The following DAB1 variants were observed in gnomAD, a reference collection of about 807,000 sequenced individuals.
DAB1 encodes the protein disabled homolog 1.
DAB1 carries 15 observed loss-of-function variants against 64.6 expected under a neutral mutation model. The observed-to-expected ratio is 0.23, with a 90% CI of 0.16 to 0.36. DAB1 has a LOEUF of 0.36. DAB1 is among the 10% of genes least tolerant of loss of function. The pLI is 1.00. For missense variants in DAB1, 596 were observed against 706.7 expected (o/e 0.84, Z 1.78); for synonymous variants, 235 against 251.9 (o/e 0.93, Z 0.64).
At chr1:58,282,556 T>C (rs1038853493) in intron 4 of DAB1, among the ~76,000 whole-genome samples, 6 of 151,442 alleles carry the variant, frequency 4.0e-5, no homozygotes, top group Non-Finnish European at 5.9e-5. Context: ...TTAATCCAAC[T>C]AGCTAAATCA....
At chr1:58,534,220 A>G (rs1345968575) in intron 1 of DAB1, 1 of 871,972 alleles carries the variant, frequency 1.1e-6, no homozygotes, top group Admixed American at 1.7e-5. Flanking sequence ...TTGATCTGAG[A>G]GATCCCTGGA....
intron 1 of DAB1, among the ~76,000 whole-genome samples, chr1:57,365,193 TATATATAA>T (rs965495639): frequency 0.012 from 1,666 of 141,952 alleles, 24 homozygotes; most frequent in African/African-American, 0.033. Context: ...ATATAAAGAA[TATATATAA>T]ATATATAAAT....
intron 5 of DAB1, among the ~76,000 whole-genome samples, chr1:57,995,558 A>G (rs1469083908): frequency 6.6e-6 from 1 of 152,206 alleles, no homozygotes. Flanking sequence ...TTATTAATAA[A>G]ATATTGCTGT....
chr1:58,283,586 T>G (rs963379962), intron 4 of DAB1, among the ~76,000 whole-genome samples: 1 of 152,224 alleles, frequency 6.6e-6, no homozygotes, highest in Non-Finnish European at 1.5e-5. Flanking sequence ...GACACATAAG[T>G]GACTGTGCAA....
intron 6 of DAB1, among the ~76,000 whole-genome samples, chr1:57,714,146 C>T (rs1188478363): frequency 4.0e-5 from 6 of 148,338 alleles, no homozygotes; most frequent in African/African-American, 1.5e-4. Flanking sequence ...TATGCATTTA[C>T]TACTTGCCAG....
chr1:58,387,311 T>A (rs1230315613), intron 3 of DAB1, among the ~76,000 whole-genome samples: 1 of 152,166 alleles, frequency 6.6e-6, no homozygotes, highest in Non-Finnish European at 1.5e-5. Context: ...ACAAAATGAA[T>A]TTAACATGCA....
intron 1 of DAB1, among the ~76,000 whole-genome samples, chr1:57,407,578 T>G (rs1683744333): frequency 6.6e-6 from 1 of 152,216 alleles, no homozygotes; most frequent in Non-Finnish European, 1.5e-5. Context: ...GTTACTTCTT[T>G]GTGTTTACAA....
intron 1 of DAB1, among the ~76,000 whole-genome samples, chr1:57,356,654 C>T (rs1383595989): frequency 6.6e-6 from 1 of 151,976 alleles, no homozygotes; most frequent in African/African-American, 2.4e-5. Flanking sequence ...TCCATTCAGA[C>T]AGAAAAAAGT....
intron 4 of DAB1, among the ~76,000 whole-genome samples, chr1:58,323,050 T>C (rs1389017742): frequency 9.2e-6 from 1 of 108,982 alleles, no homozygotes; most frequent in Non-Finnish European, 1.8e-5. Context: ...TGAGAACACT[T>C]GGGCACAGGG....
At chr1:57,237,161 T>C (rs1216848608) in intron 2 of DAB1, among the ~76,000 whole-genome samples, 2 of 152,266 alleles carry the variant, frequency 1.3e-5, no homozygotes, top group Admixed American at 6.5e-5. Context: ...AATTCTGACA[T>C]GATTTGAAAT....
At chr1:58,444,875 G>T (rs1408522428) in intron 3 of DAB1, among the ~76,000 whole-genome samples, 1 of 152,096 alleles carries the variant, frequency 6.6e-6, no homozygotes, top group African/African-American at 2.4e-5. Context: ...TTAATAATAT[G>T]ATGTATCTTA....
rs138497386 is a variant in DAB1 at position 57,352,927 on chromosome 1, C to A, written c.-136-61761G>T. ...CAGCCCCAAACAAGAGAGAATCAAACAAGAGAGAACAGTCCAAGAGACCGC... is the reference window on the plus strand; with the variant it reads ...CAGCCCCAAACAAGAGAGAATCAAAAAAGAGAGAACAGTCCAAGAGACCGC... On this transcript the variant is annotated intron_variant, in intron 1 of 14. Coordinates refer to ENST00000371236, the MANE Select transcript of DAB1 (RefSeq NM_001365792.1). Among the ~76,000 whole-genome samples the A allele has an allele frequency of 4.0e-3, 605 of 152,120 alleles. 5 individuals carry two copies. The highest frequency in any genetic ancestry group is 0.014 in the African/African-American group (578 of 41,518).
intron 4 of DAB1, among the ~76,000 whole-genome samples, chr1:58,245,126 G>T (rs1660471956): frequency 6.6e-6 from 1 of 152,184 alleles, no homozygotes; most frequent in Non-Finnish European, 1.5e-5. Context: ...CAGTACTGGG[G>T]AAAAGAGTAT....
intron 6 of DAB1, among the ~76,000 whole-genome samples, chr1:57,754,503 T>C (rs1322910427): frequency 1.3e-5 from 2 of 151,398 alleles, no homozygotes; most frequent in East Asian, 2.0e-4. Flanking sequence ...CTGGCCAAGA[T>C]GGTAAAACCC....
intron 4 of DAB1, among the ~76,000 whole-genome samples, chr1:58,329,363 C>T: frequency 6.6e-6 from 1 of 152,294 alleles, no homozygotes; most frequent in Middle Eastern, 3.4e-3. Context: ...TTTACAACAT[C>T]ATTTCCAGGG....
At chr1:58,237,552 A>C (rs1285413338) in intron 4 of DAB1, among the ~76,000 whole-genome samples, 1 of 152,096 alleles carries the variant, frequency 6.6e-6, no homozygotes, top group African/African-American at 2.4e-5. Context: ...TAAGTGAAAA[A>C]AAATTCTAAA....
At chr1:58,224,807 A>T (rs377407110) in intron 4 of DAB1, among the ~76,000 whole-genome samples, 1 of 152,172 alleles carries the variant, frequency 6.6e-6, no homozygotes, top group East Asian at 1.9e-4. Context: ...CACAAAAATT[A>T]ATTCAAGATG....
intron 5 of DAB1, among the ~76,000 whole-genome samples, chr1:58,142,778 T>G (rs1654360687): frequency 6.6e-6 from 1 of 152,242 alleles, no homozygotes; most frequent in Admixed American, 6.5e-5. Context: ...TCTCCATCTT[T>G]CCTGGTCACC....
At chr1:58,048,813 A>G in intron 5 of DAB1, 1 of 1,075,468 alleles carries the variant, frequency 9.3e-7, no homozygotes, top group African/African-American at 1.5e-5. Flanking sequence ...TGACAGTCTT[A>G]TCCACGGAAT....
Sources: allele counts gnomAD v4.1 joint callset (sites outside exome capture counted in the v4.1 genomes callset), GRCh38; gene constraint gnomAD v4.1.1; transcripts MANE v1.5; gene names NCBI Gene and HGNC (gene_info 2026-07-23, HGNC 2026-07-21).